ABCC11: variants seen among roughly 807,000 people sequenced by gnomAD.
ABCC11 encodes ATP-binding cassette sub-family C member 11.
Under a neutral mutation model 149.3 loss-of-function variants are expected in ABCC11, and 135 were observed. The ratio of observed to expected loss-of-function variants is 0.90; its 90% confidence interval spans 0.79 to 1.04. The LOEUF (loss-of-function observed/expected upper bound fraction) is 1.04, where lower values mean the gene tolerates loss of function less well. Among genes scored for constraint, ABCC11 ranks in the 50% least tolerant of loss-of-function variants. ABCC11 has a pLI of 0.00. For synonymous variants in ABCC11, 665 were observed against 671.4 expected, an observed-to-expected ratio of 0.99 and a Z score of 0.15; for missense variants, 1,680 against 1,722.1, an observed-to-expected ratio of 0.98 and a Z score of 0.43.
chr16:48,230,363 G>C, intron 3 of ABCC11, 74 bp downstream of exon 3: 1 of 1,454,820 alleles, frequency 6.9e-7, no homozygotes, highest in South Asian at 1.5e-5. Flanking sequence ...CTTCGTGAGA[G>C]GTCTAGTTGG....
At position 48,184,483 on chromosome 16, in the gene ABCC11, G is replaced by A. The variant is rs113798535; in HGVS notation, c.3215C>T (p.Thr1072Ile). 47 of 1,614,240 alleles carry A rather than the reference G, an allele frequency of 2.9e-5. No individual in the cohort carries two copies. Among genetic ancestry groups the A allele is most frequent in the African/African-American group, 2.7e-4 (20 of 75,068 alleles). The change falls in exon 23 of 30, where the codon ACC becomes ATC. Residue 1072 changes from threonine to isoleucine, a missense_variant. Coordinates refer to ENST00000356608, the MANE Select transcript of ABCC11 (RefSeq NM_001370497.1). ...ALFVAFGISS[T>I]PYSFKVMAVN... ...AGCCATGACTTTAAAGGAGTAGGGGGTGGAGGAAATGCCAAAAGCCACGAA... is the reference window on the plus strand; with the variant it reads ...AGCCATGACTTTAAAGGAGTAGGGGATGGAGGAAATGCCAAAAGCCACGAA...
intron 13 of ABCC11, among the ~76,000 whole-genome samples, chr16:48,204,177 G>T (rs1968240648): frequency 6.6e-6 from 1 of 152,296 alleles, no homozygotes; most frequent in African/African-American, 2.4e-5. Flanking sequence ...GAGTCAAAGG[G>T]TTGGTGCATT....
intron 13 of ABCC11, among the ~76,000 whole-genome samples, chr16:48,204,342 C>G (rs556202033): frequency 6.6e-6 from 1 of 152,234 alleles, no homozygotes; most frequent in African/African-American, 2.4e-5. Flanking sequence ...AGATTAGAGA[C>G]AGGGACCCAA....
intron 20 of ABCC11, among the ~76,000 whole-genome samples, chr16:48,187,836 A>G (rs567404768): frequency 2.6e-5 from 4 of 152,194 alleles, no homozygotes; most frequent in Non-Finnish European, 4.4e-5. Flanking sequence ...TGCTCAGAGC[A>G]GTGCCTGCCC....
intron 4 of ABCC11, among the ~76,000 whole-genome samples, chr16:48,225,510 T>C (rs573544378): frequency 6.6e-6 from 1 of 152,362 alleles, no homozygotes; most frequent in African/African-American, 2.4e-5. Context: ...TGCATCTCCA[T>C]GGTGTTGTCT....
intron 3 of ABCC11, among the ~76,000 whole-genome samples, chr16:48,228,787 A>C (rs1053828212): frequency 2.6e-5 from 4 of 152,200 alleles, no homozygotes; most frequent in Admixed American, 2.6e-4. Context: ...AACTTTTACA[A>C]ACAATAAAAT....
chr16:48,184,714 G>T, intron 22 of ABCC11, 88 bp from the exon 23 acceptor site: 1 of 1,353,934 alleles, frequency 7.4e-7, no homozygotes, highest in Non-Finnish European at 1.0e-6. Context: ...GCTTCCTCCA[G>T]CATCCAGTTC....
intron 20 of ABCC11, among the ~76,000 whole-genome samples, chr16:48,189,133 A>T (rs948848479): frequency 5.9e-5 from 9 of 152,222 alleles, no homozygotes; most frequent in Non-Finnish European, 1.2e-4. Flanking sequence ...GTTTTATTAA[A>T]TACTTGAGCT....
chr16:48,187,484 T>C, intron 20 of ABCC11, 57 bp from the exon 21 acceptor site: 2 of 1,425,120 alleles, frequency 1.4e-6, no homozygotes, highest in South Asian at 2.4e-5. Flanking sequence ...TGCTCAAGAT[T>C]GGATGAAGAT....
rs137950991 is a variant in ABCC11, at chr16:48,175,387, C to T, written c.3569G>A (p.Arg1190His). Residue 1190 changes from arginine to histidine, a missense_variant, in exon 26 of 30, where the codon CGC becomes CAC. Coordinates refer to ENST00000356608, the MANE Select transcript of ABCC11 (RefSeq NM_001370497.1). ...CCGGCCTGCCATGGGCTCCACCAGG[C>T]GGAAGAGAGCCATGCCCAAGGAGGA... ...GKSSLGMALFRLVEPMAGRIL... is the reference protein window; with the variant it reads ...GKSSLGMALFHLVEPMAGRIL... The T allele has an allele frequency of 3.3e-4, 538 of 1,612,532 alleles. 2 individuals are homozygous for T. Among genetic ancestry groups the T allele is most frequent in the South Asian group, 2.9e-3 (261 of 91,032 alleles).
chr16:48,188,811 C>A (rs1335743852), intron 20 of ABCC11, among the ~76,000 whole-genome samples: 1 of 152,170 alleles, frequency 6.6e-6, no homozygotes, highest in African/African-American at 2.4e-5. Context: ...AAATGACCAC[C>A]TACATTTCCC....
In ABCC11 at chr16:48,205,636, G is replaced by A; in HGVS notation, c.1681-99C>T. ...TGCCCAGGGCCCCACTGCCCTCCAG[G>A]ACCTTGGGGGCTCTCCTAGGTAAAA... On this transcript the variant is annotated intron_variant, in intron 12 of 29. Coordinates refer to ENST00000356608, the MANE Select transcript of ABCC11 (RefSeq NM_001370497.1). 3.4e-6 allele frequency: 5 copies of A among 1,468,966 alleles called. No individual in the cohort carries two copies. The South Asian group carries it at 4.0e-5, about 12-fold the overall frequency. 91.0% of individuals were successfully genotyped at this position (1,468,966 alleles called of 1,614,324 possible). A position where few individuals can be genotyped will look rare whatever the true frequency, so the allele number is the denominator to read the frequency against.
intron 14 of ABCC11, among the ~76,000 whole-genome samples, chr16:48,202,192 G>A (rs1463701331): frequency 6.6e-6 from 1 of 152,134 alleles, no homozygotes; most frequent in African/African-American, 2.4e-5. Context: ...AAAGCAATCC[G>A]ATCAGGTCAG....
chr16:48,164,979 G>A (rs895197825), downstream of ABCC11: 1 of 152,082 alleles, frequency 6.6e-6, no homozygotes, highest in African/African-American at 2.4e-5. Flanking sequence ...CTTTTGTGGC[G>A]AATTATCTCC....
At chr16:48,222,555 G>A (rs1317392013) in intron 6 of ABCC11, 43 bp downstream of exon 6, 1 of 1,551,406 alleles carries the variant, frequency 6.4e-7, no homozygotes, top group South Asian at 1.1e-5. Flanking sequence ...CCGGAGGAAG[G>A]GTAGGGAAGC....
chr16:48,169,975 T>C (rs1965599203), intron 28 of ABCC11, 130 bp downstream of exon 28: 2 of 642,196 alleles, frequency 3.1e-6, no homozygotes, highest in Non-Finnish European at 5.5e-6. Context: ...GTTGTTGTTG[T>C]TGTTGTTGTT....
rs1031148392 is a variant in ABCC11, at chr16:48,171,605, A to T, written c.3699-638T>A. 1.3e-4 allele frequency among the ~76,000 whole-genome samples: 20 copies of T among 152,390 alleles called. No homozygotes were observed. In the East Asian group the frequency reaches 3.9e-3, roughly 29 times the overall value. On this transcript the variant is annotated intron_variant, in intron 26 of 29. Transcript: ENST00000356608. ...TCATTTTAACCACTTAAAAGTGTAC[A>T]ATTCAGCAGCATTAAATACATTAAT...
intron 12 of ABCC11, 138 bp from the exon 13 acceptor site, chr16:48,205,675 T>C: frequency 8.5e-7 from 1 of 1,182,620 alleles, no homozygotes; most frequent in Non-Finnish European, 1.1e-6. Context: ...ACTTTTAATG[T>C]GGCCCTACCA....
intron 6 of ABCC11, among the ~76,000 whole-genome samples, chr16:48,218,983 A>G (rs1370398705): frequency 6.6e-6 from 1 of 152,162 alleles, no homozygotes; most frequent in Non-Finnish European, 1.5e-5. Context: ...AAAGCAACAC[A>G]AAGATGTAGT....
Sources: gnomAD v4.1 joint callset for allele counts (sites outside exome capture counted in the v4.1 genomes callset) on GRCh38, gnomAD v4.1.1 for gene constraint, MANE v1.5 for transcripts, NCBI Gene and HGNC (gene_info 2026-07-23, HGNC 2026-07-21) for gene names.